Variants in PDZD8 observed in about 807,000 individuals in gnomAD.
The protein encoded by PDZD8 is PDZ domain containing 8.
PDZD8 carries 14 observed loss-of-function variants against 85.8 expected under a neutral mutation model. The observed-to-expected ratio is 0.16, with a 90% CI of 0.11 to 0.26. The LOEUF (loss-of-function observed/expected upper bound fraction) is 0.26, where lower values mean the gene tolerates loss of function less well. Ranked by LOEUF, PDZD8 falls within the 10% of genes least tolerant of loss-of-function variation. PDZD8 has a pLI of 1.00. For missense variants in PDZD8, 1,197 were observed against 1,424.3 expected (o/e 0.84, Z 2.57); for synonymous variants, 592 against 568.6 (o/e 1.04, Z -0.59).
intron 2 of PDZD8, among the ~76,000 whole-genome samples, chr10:117,331,596 T>C (rs2133830776): frequency 6.6e-6 from 1 of 152,354 alleles, no homozygotes; most frequent in South Asian, 2.1e-4. Flanking sequence ...TATTATTTTC[T>C]GACCACAGTT....
chr10:117,311,694 T>A (rs376955737), intron 3 of PDZD8, among the ~76,000 whole-genome samples: 1 of 152,086 alleles, frequency 6.6e-6, no homozygotes, highest in South Asian at 2.1e-4. Context: ...AAACTAAGTA[T>A]TTAATATGGA....
intron 1 of PDZD8, among the ~76,000 whole-genome samples, chr10:117,373,947 T>C (rs1009211867): frequency 4.3e-4 from 65 of 152,122 alleles, no homozygotes; most frequent in African/African-American, 1.4e-3. Flanking sequence ...AGGAACAATT[T>C]CTCAAAGCGG....
intron 2 of PDZD8, among the ~76,000 whole-genome samples, chr10:117,322,081 G>A (rs909850466): frequency 2.0e-5 from 3 of 152,154 alleles, no homozygotes; most frequent in Non-Finnish European, 1.5e-5. Context: ...CAATTGTAAT[G>A]AGTATTCCCA....
chr10:117,358,854 G>A (rs1195832772), intron 1 of PDZD8, among the ~76,000 whole-genome samples: 1 of 152,116 alleles, frequency 6.6e-6, no homozygotes, highest in Non-Finnish European at 1.5e-5. Flanking sequence ...CCAGTGAGGT[G>A]CTCTAGAAAT....
intron 1 of PDZD8, among the ~76,000 whole-genome samples, chr10:117,359,076 C>T (rs1202952167): frequency 1.4e-5 from 2 of 145,632 alleles, no homozygotes; most frequent in African/African-American, 2.6e-5. Context: ...TTTTTAATTG[C>T]GTCCTTTGTG....
At chr10:117,328,669 CT>C (rs199698682) in intron 2 of PDZD8, among the ~76,000 whole-genome samples, 6 of 151,524 alleles carry the variant, frequency 4.0e-5, no homozygotes, top group South Asian at 2.1e-4. Context: ...ACCAATCAGT[CT>C]TTTTTTTTCC....
At chr10:117,317,950 A>G (rs1175100357) in intron 3 of PDZD8, among the ~76,000 whole-genome samples, 1 of 152,184 alleles carries the variant, frequency 6.6e-6, no homozygotes, top group Non-Finnish European at 1.5e-5. Flanking sequence ...CACTCTGATC[A>G]AAATTACCCT....
At chr10:117,312,005 C>G (rs565898133) in intron 3 of PDZD8, among the ~76,000 whole-genome samples, 14 of 152,074 alleles carry the variant, frequency 9.2e-5, no homozygotes, top group East Asian at 3.9e-4. Context: ...CCCTGGCTTT[C>G]CCAGTTCACT....
In PDZD8 at chr10:117,284,208, C is replaced by G. The variant is rs1412985316; in HGVS notation, c.2525G>C (p.Ser842Thr). 6.2e-7 allele frequency: 1 copy of G among 1,614,188 alleles called. No individual in the cohort carries two copies. The highest frequency in any genetic ancestry group is 1.1e-5 in the South Asian group (1 of 91,086). Residue 842 changes from serine to threonine, a missense_variant, in exon 5 of 5, where the codon AGT (serine) becomes ACT (threonine). Ser to Thr is a moderately conservative substitution (Grantham distance 58, BLOSUM62 1). Transcript: ENST00000334464. ...GQMGLTENKH[S>T]FQDTQFQNPT... ...GTTCTGGAACTGAGTATCCTGAAAA[C>G]TGTGTTTGTTTTCTGTTAAACCCAT...
At chr10:117,294,056 T>C (rs1243096098) in intron 3 of PDZD8, among the ~76,000 whole-genome samples, 1 of 152,140 alleles carries the variant, frequency 6.6e-6, no homozygotes, top group Admixed American at 6.5e-5. Context: ...AGTAGTGTTT[T>C]AGAGGAAATT....
At chr10:117,373,604 CAAAAAAAAAAAAA>C (rs796930758) in intron 1 of PDZD8, among the ~76,000 whole-genome samples, 5 of 52,432 alleles carry the variant, frequency 9.5e-5, no homozygotes, top group Admixed American at 8.5e-4. Flanking sequence ...CTAAAAAATA[CAAAAAAAAAAAAA>C]AAAAAAAAAA....
chr10:117,343,107 G>A (rs556033601), intron 1 of PDZD8, among the ~76,000 whole-genome samples: 1 of 152,186 alleles, frequency 6.6e-6, no homozygotes, highest in African/African-American at 2.4e-5. Flanking sequence ...CACACTATCA[G>A]GATTTGAGTA....
At chr10:117,333,133 A>AG (rs1844457364) in intron 2 of PDZD8, among the ~76,000 whole-genome samples, 1 of 149,368 alleles carries the variant, frequency 6.7e-6, no homozygotes, top group African/African-American at 2.5e-5. Flanking sequence ...AAAAAAAAAA[A>AG]AAAAAAAAAA....
At chr10:117,363,873 A>T (rs1296730225) in intron 1 of PDZD8, among the ~76,000 whole-genome samples, 3 of 152,186 alleles carry the variant, frequency 2.0e-5, no homozygotes, top group African/African-American at 7.2e-5. Context: ...AATAAAGAGA[A>T]ATGTGTTCTA....
chr10:117,363,861 A>C (rs187294299), intron 1 of PDZD8, among the ~76,000 whole-genome samples: 14 of 152,326 alleles, frequency 9.2e-5, no homozygotes, highest in Non-Finnish European at 1.5e-4. Context: ...TGCTGATTAC[A>C]GAATAAAGAG....
At chr10:117,366,817 A>G (rs1021391030) in intron 1 of PDZD8, among the ~76,000 whole-genome samples, 3 of 152,138 alleles carry the variant, frequency 2.0e-5, no homozygotes, top group Non-Finnish European at 4.4e-5. Flanking sequence ...CGTAAATCGC[A>G]TATTTCCACA....
chr10:117,291,872 G>C (rs953358401), intron 3 of PDZD8, among the ~76,000 whole-genome samples: 3 of 142,818 alleles, frequency 2.1e-5, no homozygotes, highest in Middle Eastern at 3.7e-3. Flanking sequence ...AAAAAAAACA[G>C]GCAGAGTGCT....
intron 1 of PDZD8, among the ~76,000 whole-genome samples, chr10:117,355,953 T>C (rs1844886433): frequency 6.6e-6 from 1 of 152,174 alleles, no homozygotes. Context: ...ATCATGTTAA[T>C]ACCATTAAGG....
chr10:117,288,892 A>T (rs1397780108), intron 4 of PDZD8, among the ~76,000 whole-genome samples: 1 of 152,182 alleles, frequency 6.6e-6, no homozygotes, highest in Non-Finnish European at 1.5e-5. Flanking sequence ...CGCTTAGGTT[A>T]ATTAATTTAT....
Sources: gnomAD v4.1 joint callset for allele counts (sites outside exome capture counted in the v4.1 genomes callset) on GRCh38, gnomAD v4.1.1 for gene constraint, MANE v1.5 for transcripts, NCBI Gene and HGNC (gene_info 2026-07-23, HGNC 2026-07-21) for gene names.